PDE8B: variants seen among roughly 807,000 people sequenced by gnomAD.
The protein encoded by PDE8B is phosphodiesterase 8B.
A neutral mutation model predicts 101.3 loss-of-function variants in PDE8B; 26 were observed. The observed-to-expected ratio is 0.26, with a 90% CI of 0.19 to 0.36. PDE8B has a LOEUF of 0.36. PDE8B is among the 10% of genes least tolerant of loss of function. The pLI is 1.00. For missense variants in PDE8B, 810 were observed against 1,163.1 expected (o/e 0.70, Z 4.42); for synonymous variants, 424 against 429.3 (o/e 0.99, Z 0.15).
At chr5:77,172,211 G>A in the PDE8B span, among the ~76,000 whole-genome samples, 54 of 152,288 alleles carry the variant, frequency 3.5e-4, no homozygotes, top group African/African-American at 1.2e-3. Flanking sequence ...GCAAACTCAG[G>A]GACTGGGCTG....
chr5:77,413,330 C>G (rs745506978), intron 17 of PDE8B, 21 bp downstream of exon 17: 2 of 1,589,112 alleles, frequency 1.3e-6, no homozygotes, highest in Non-Finnish European at 1.7e-6. Flanking sequence ...GATATCATGA[C>G]CTAGTTACCT....
chr5:77,379,802 GTTT>G (rs997650576), intron 10 of PDE8B, among the ~76,000 whole-genome samples: 4 of 152,180 alleles, frequency 2.6e-5, no homozygotes, highest in African/African-American at 4.8e-5. Context: ...ACTCATCAAA[GTTT>G]TTTGAGTAAA....
At chr5:77,326,893 C>A (rs1776154259) in intron 3 of PDE8B, among the ~76,000 whole-genome samples, 1 of 152,108 alleles carries the variant, frequency 6.6e-6, no homozygotes, top group African/African-American at 2.4e-5. Context: ...AAAGAAAAAA[C>A]CAACAGGAAG....
the PDE8B span, among the ~76,000 whole-genome samples, chr5:77,121,730 A>T: frequency 9.8e-3 from 1,482 of 150,996 alleles, 18 homozygotes; most frequent in Middle Eastern, 0.027. Flanking sequence ...CTGGTCTTGA[A>T]CTCCTGACCT....
intron 1 of PDE8B, among the ~76,000 whole-genome samples, chr5:77,288,839 C>CTTTTT (rs55906951): frequency 1.9e-4 from 24 of 128,340 alleles, no homozygotes; most frequent in Middle Eastern, 4.1e-3. Context: ...CTGCCCCCAT[C>CTTTTT]TTTTTTTTTT....
In PDE8B at chr5:77,425,789, G is replaced by A. The variant is rs1191291276; in HGVS notation, c.2441G>A (p.Gly814Glu). Residue 814 changes from glycine to glutamate, a missense_variant, in exon 21 of 22, where the codon GGA becomes GAA. Gly to Glu is a moderately conservative substitution (Grantham distance 98). Around this residue, in one of 4 missense-constraint regions of PDE8B, gnomAD observed 325 missense variants for 560.9 expected, o/e 0.58. Transcript: ENST00000264917. ...FAQTDEEKRQ[G>E]LPVVMPVFDR... ...CAGACTGATGAAGAGAAGAGACAGG[G>A]ACTACCTGTGGTGATGCCAGTGTTT... The A allele has an allele frequency of 1.9e-6, 3 of 1,613,124 alleles. No homozygotes were observed. The highest frequency in any genetic ancestry group is 2.2e-5 in the South Asian group (2 of 91,054).
the PDE8B span, among the ~76,000 whole-genome samples, chr5:77,109,938 T>TG: frequency 3.2e-4 from 37 of 114,900 alleles, 1 homozygote; most frequent in African/African-American, 1.2e-3. Context: ...TTTTTTTTTT[T>TG]TTTTTTTTTT....
At chr5:77,194,000 T>C in the PDE8B span, among the ~76,000 whole-genome samples, 1 of 152,246 alleles carries the variant, frequency 6.6e-6, no homozygotes, top group Non-Finnish European at 1.5e-5. Flanking sequence ...TGTGATTTTA[T>C]TATACTCACT....
chr5:77,124,965 C>T, the PDE8B span, among the ~76,000 whole-genome samples: 1 of 151,986 alleles, frequency 6.6e-6, no homozygotes, highest in Non-Finnish European at 1.5e-5. Context: ...TTCTTCACAC[C>T]TGTTAGGATT....
intron 1 of PDE8B, among the ~76,000 whole-genome samples, chr5:77,277,220 T>G (rs764273327): frequency 2.0e-5 from 3 of 152,230 alleles, no homozygotes; most frequent in Non-Finnish European, 4.4e-5. Context: ...TAAAATCACC[T>G]GCATACATTC....
At chr5:77,105,825 CTT>C in the PDE8B span, 1 of 152,278 alleles carries the variant, frequency 6.6e-6, no homozygotes, top group East Asian at 1.9e-4. Context: ...TTGCCTGTCT[CTT>C]TAATTTTGGT....
chr5:77,137,169 G>C, the PDE8B span, among the ~76,000 whole-genome samples: 8 of 152,170 alleles, frequency 5.3e-5, no homozygotes, highest in Non-Finnish European at 1.0e-4. Context: ...ACAGGGGAAA[G>C]GAGAGATAAG....
At chr5:77,365,303 T>A (rs1478299872) in intron 10 of PDE8B, among the ~76,000 whole-genome samples, 1 of 152,204 alleles carries the variant, frequency 6.6e-6, no homozygotes, top group East Asian at 1.9e-4. Flanking sequence ...GATGTACTGC[T>A]GAGGGTGAGA....
At chr5:77,230,498 T>G (rs1753352311) in intron 1 of PDE8B, among the ~76,000 whole-genome samples, 1 of 152,192 alleles carries the variant, frequency 6.6e-6, no homozygotes, top group Non-Finnish European at 1.5e-5. Flanking sequence ...ATGGAATCTC[T>G]CTCTCTTGCC....
chr5:77,252,219 T>C (rs1758205801), intron 1 of PDE8B, among the ~76,000 whole-genome samples: 1 of 152,244 alleles, frequency 6.6e-6, no homozygotes, highest in African/African-American at 2.4e-5. Context: ...TTCCCAGAGT[T>C]GTAGCCTTTG....
chr5:77,305,304 AG>A (rs1239372129), intron 1 of PDE8B, among the ~76,000 whole-genome samples: 1 of 152,218 alleles, frequency 6.6e-6, no homozygotes, highest in Non-Finnish European at 1.5e-5. Context: ...GATTGGAAGC[AG>A]GAAGGAGAAG....
intron 1 of PDE8B, among the ~76,000 whole-genome samples, chr5:77,299,503 A>G (rs1769421893): frequency 1.4e-5 from 2 of 138,390 alleles, no homozygotes; most frequent in South Asian, 2.3e-4. Flanking sequence ...GTTCCCACCT[A>G]TGAGTGAGAA....
chr5:77,370,210 G>A (rs1368523072), intron 10 of PDE8B, among the ~76,000 whole-genome samples: 1 of 152,122 alleles, frequency 6.6e-6, no homozygotes, highest in Non-Finnish European at 1.5e-5. Flanking sequence ...GTGTACCTTT[G>A]TGTGACCTTT....
chr5:77,094,834 G>A, the PDE8B span, among the ~76,000 whole-genome samples: 17 of 152,224 alleles, frequency 1.1e-4, no homozygotes, highest in African/African-American at 4.1e-4. Flanking sequence ...TTAACAACCA[G>A]ATCTGGAGGG....
Sources: allele counts gnomAD v4.1 joint callset (sites outside exome capture counted in the v4.1 genomes callset), GRCh38; gene constraint gnomAD v4.1.1; regional missense constraint gnomAD v4.1.1; transcripts MANE v1.5; gene names NCBI Gene and HGNC (gene_info 2026-07-23, HGNC 2026-07-21).